Variants in KCNQ1OT1 observed in about 807,000 individuals in gnomAD.
KCNQ1OT1 encodes KCNQ1 opposite strand/antisense transcript 1, also known as KCNQ1 antisense RNA 2 (non-protein coding).
chr11:2,671,273 C>A lies in KCNQ1OT1; in HGVS notation n.28722G>T, dbSNP rs1850178991. ...CCGATGTCCCCACCATCCCCAGCCC[C>A]TTAGCCTCTGATCTTCTCCATAAGT... On this transcript the variant is annotated non_coding_transcript_exon_variant, in exon 1 of 1. Coordinates refer to ENST00000597346, the Ensembl canonical transcript of KCNQ1OT1. This position sits in a 1 kb window ranked among gnomAD's most constrained non-coding sequence, Gnocchi z 4.7. 1.5e-5 allele frequency: 6 copies of A among 398,644 alleles called. No homozygotes were observed. Among genetic ancestry groups the A allele is most frequent in the East Asian group, 3.6e-5 (1 of 28,074 alleles). 24.7% of individuals were successfully genotyped at this position (398,644 alleles called of 1,614,324 possible). A position where few individuals can be genotyped will look rare whatever the true frequency, so the allele number is the denominator to read the frequency against.
chr11:2,649,986 A>G, exon 1 of KCNQ1OT1: 1 of 398,278 alleles, frequency 2.5e-6, no homozygotes, highest in Non-Finnish European at 4.4e-6. Flanking sequence ...ATTCTTTTTT[A>G]TTGTTATTTT....
Position 2,661,193 on chromosome 11 carries a change from G to A in KCNQ1OT1, n.38802C>T, listed in dbSNP as rs773469510. On this transcript the variant is annotated non_coding_transcript_exon_variant, in exon 1 of 1. Coordinates refer to ENST00000597346, the Ensembl canonical transcript of KCNQ1OT1. The surrounding 1 kb of genome is among the most constrained non-coding windows in gnomAD (Gnocchi z 5.9). ...ATGACCTTGGGGGAGGAAAGCCATT[G>A]TGAATCTTTGAATTATTCCACTTCT... is the stretch of plus-strand genomic sequence containing the variant. 7 of 398,518 alleles carry A rather than the reference G, an allele frequency of 1.8e-5. No homozygotes were observed. Among genetic ancestry groups the A allele is most frequent in the Non-Finnish European group, 3.1e-5 (7 of 226,122 alleles). 24.7% of individuals were successfully genotyped at this position (398,518 alleles called of 1,614,324 possible). A position where few individuals can be genotyped will look rare whatever the true frequency, so the allele number is the denominator to read the frequency against.
chr11:2,682,300 C>T lies in KCNQ1OT1; in HGVS notation n.17695G>A. 1 of 398,622 alleles carries T rather than the reference C, an allele frequency of 2.5e-6. No individual in the cohort carries two copies. Among genetic ancestry groups the T allele is most frequent in the Non-Finnish European group, 4.4e-6 (1 of 226,082 alleles). 24.7% of individuals were successfully genotyped at this position (398,622 alleles called of 1,614,324 possible). ...TGGGCTGTAAAAAATCACATACCTC[C>T]CCTCCCATTCTTAATGTGTAACTGT... On this transcript the variant is annotated non_coding_transcript_exon_variant, in exon 1 of 1. Transcript: ENST00000597346. The surrounding 1 kb of genome is among the most constrained non-coding windows in gnomAD (Gnocchi z 5.8).
Position 2,680,318 on chromosome 11 carries a change from C to T in KCNQ1OT1, n.19677G>A, listed in dbSNP as rs1386179175. 7 of 334,668 alleles carry T rather than the reference C, an allele frequency of 2.1e-5. No individual in the cohort carries two copies. The East Asian group carries it at 2.1e-4, about 10-fold the overall frequency. 20.7% of individuals were successfully genotyped at this position (334,668 alleles called of 1,614,324 possible). A position where few individuals can be genotyped will look rare whatever the true frequency, so the allele number is the denominator to read the frequency against. ...ATTAACTGATGAAGAATTGCCTTCC[C>T]CACCTCAAAAAAAAAGTCTTTCCAG... On this transcript the variant is annotated non_coding_transcript_exon_variant, in exon 1 of 1. Transcript: ENST00000597346.
chr11:2,657,536 C>T lies in KCNQ1OT1; in HGVS notation n.42459G>A. On this transcript the variant is annotated non_coding_transcript_exon_variant, in exon 1 of 1. Transcript: ENST00000597346. This position sits in a 1 kb window ranked among gnomAD's most constrained non-coding sequence, Gnocchi z 4.8. Reference sequence around the variant, plus strand: ...AAACAAAAATAGTACCGAGTACCCACATCCCTTTCACCAGCTTCCCCTAAT... The same window carrying T: ...AAACAAAAATAGTACCGAGTACCCATATCCCTTTCACCAGCTTCCCCTAAT... 5.0e-6 allele frequency: 2 copies of T among 398,612 alleles called. No individual in the cohort carries two copies. The highest frequency in any genetic ancestry group is 8.8e-6 in the Non-Finnish European group (2 of 226,054). The allele number at this position is 398,612 out of a possible 1,614,324, so 24.7% of individuals were successfully genotyped here. A position where few individuals can be genotyped will look rare whatever the true frequency, so the allele number is the denominator to read the frequency against.
exon 1 of KCNQ1OT1, chr11:2,688,978 C>G (rs1228192679): frequency 5.0e-6 from 2 of 398,784 alleles, no homozygotes; most frequent in Non-Finnish European, 8.8e-6. Context: ...GGGGTCTGAT[C>G]TGGAGAGCAG....
At chr11:2,665,403 GT>G (rs755258789) in exon 1 of KCNQ1OT1, 5 of 397,964 alleles carry the variant, frequency 1.3e-5, no homozygotes, top group African/African-American at 2.1e-5. Flanking sequence ...GCCAGGATGA[GT>G]TCCTGGGATT....
exon 1 of KCNQ1OT1, chr11:2,618,501 G>T (rs550759051): frequency 2.5e-6 from 1 of 398,514 alleles, no homozygotes. Context: ...TGGAAAATTG[G>T]TTGATCATAT....
rs531204763 is a variant in KCNQ1OT1, at chr11:2,661,119, C to T, written n.38876G>A. 44 of 398,280 alleles carry T rather than the reference C, an allele frequency of 1.1e-4. No individual in the cohort carries two copies. The South Asian group carries it at 1.3e-3, about 12-fold the overall frequency. The allele number at this position is 398,280 out of a possible 1,614,324, so 24.7% of individuals were successfully genotyped here. On this transcript the variant is annotated non_coding_transcript_exon_variant, in exon 1 of 1. Coordinates refer to ENST00000597346, the Ensembl canonical transcript of KCNQ1OT1. This position sits in a 1 kb window ranked among gnomAD's most constrained non-coding sequence, Gnocchi z 5.9. ...CAACTCCCACCTGGCATCTGCTGCTCGGATGAGCAGAGAGGGTGGGCTAGG... is the reference window on the plus strand; with the variant it reads ...CAACTCCCACCTGGCATCTGCTGCTTGGATGAGCAGAGAGGGTGGGCTAGG...
chr11:2,688,584 G>A (rs992780495), exon 1 of KCNQ1OT1: 14 of 398,584 alleles, frequency 3.5e-5, no homozygotes, highest in Non-Finnish European at 4.0e-5. Flanking sequence ...GCCAGTGCTC[G>A]CTCACTGAGG....
At chr11:2,609,715 A>G (rs1230607635) in exon 1 of KCNQ1OT1, 1 of 398,204 alleles carries the variant, frequency 2.5e-6, no homozygotes, top group East Asian at 3.6e-5. Context: ...TGTTAGGTGA[A>G]TATATGTTTA....
At position 2,659,479 on chromosome 11, in the gene KCNQ1OT1, A is replaced by G; in HGVS notation, n.40516T>C. ...CTGGGTGGTATTCCATTGCATGAAT[A>G]TATACATTTTGTTTATGCATTCACC... On this transcript the variant is annotated non_coding_transcript_exon_variant, in exon 1 of 1. Transcript: ENST00000597346. The surrounding 1 kb of genome is among the most constrained non-coding windows in gnomAD (Gnocchi z 4.3). 5.0e-6 allele frequency: 2 copies of G among 398,560 alleles called. No individual in the cohort carries two copies. Among genetic ancestry groups the G allele is most frequent in the South Asian group, 1.3e-4 (1 of 7,860 alleles). 24.7% of individuals were successfully genotyped at this position (398,560 alleles called of 1,614,324 possible).
chr11:2,699,643 C>CCGCGCCGAAGAAGCCCCGGGGAG (rs1267456013), exon 1 of KCNQ1OT1: 1 of 364,698 alleles, frequency 2.7e-6, no homozygotes, highest in African/African-American at 2.5e-5. Context: ...CCCCCGGGGA[C>CCGCGCCGAAGAAGCCCCGGGGAG]AACCGCGCCG....
chr11:2,697,541 C>T (rs774579103), exon 1 of KCNQ1OT1: 5 of 398,496 alleles, frequency 1.3e-5, no homozygotes, highest in African/African-American at 2.1e-5. Flanking sequence ...CTAGTCCTGG[C>T]TTGCTAAGTG....
exon 1 of KCNQ1OT1, chr11:2,619,043 A>C: frequency 2.5e-6 from 1 of 398,450 alleles, no homozygotes; most frequent in Non-Finnish European, 4.4e-6. Flanking sequence ...AACTTTACTG[A>C]ACTCATTTAT....
At chr11:2,665,853 G>A (rs1261868120) in exon 1 of KCNQ1OT1, 1 of 398,556 alleles carries the variant, frequency 2.5e-6, no homozygotes, top group African/African-American at 2.1e-5. Flanking sequence ...AGGGGCCTGA[G>A]GATCTGCGGC....
chr11:2,635,843 T>C (rs1849455867), exon 1 of KCNQ1OT1: 1 of 152,228 alleles, frequency 6.6e-6, no homozygotes, highest in African/African-American at 2.4e-5. Flanking sequence ...TTTGTTTGTA[T>C]CCTCTTTTAT....
chr11:2,633,754 T>A (rs1849403068), exon 1 of KCNQ1OT1: 2 of 398,464 alleles, frequency 5.0e-6, no homozygotes, highest in South Asian at 2.5e-4. Context: ...GCATGCTAAT[T>A]TGGTTACCAT....
chr11:2,647,970 T>C lies in KCNQ1OT1; in HGVS notation n.52025A>G, dbSNP rs1849691805. On this transcript the variant is annotated non_coding_transcript_exon_variant, in exon 1 of 1. Transcript: ENST00000597346. The surrounding 1 kb of genome is among the most constrained non-coding windows in gnomAD (Gnocchi z 4.0). ...GGCTCACACCTGTAAACCCAGTACTTTGGAAGGCCAAGGCAGGCCGATCGC... is the reference window on the plus strand; with the variant it reads ...GGCTCACACCTGTAAACCCAGTACTCTGGAAGGCCAAGGCAGGCCGATCGC... The C allele has an allele frequency of 1.3e-5, 5 of 398,150 alleles. No homozygotes were observed. The East Asian group carries it at 1.4e-4, about 11-fold the overall frequency. 24.7% of individuals were successfully genotyped at this position (398,150 alleles called of 1,614,324 possible).
Sources: allele counts gnomAD v4.1 joint callset, GRCh38; gene constraint gnomAD v4.1.1; non-coding constraint Gnocchi (gnomAD v3.1); transcripts MANE v1.5; gene names NCBI Gene and HGNC (gene_info 2026-07-23, HGNC 2026-07-21).